The following NTRK3 variants were observed in gnomAD, a reference collection of about 807,000 sequenced individuals.
The protein encoded by NTRK3 is neurotrophic receptor tyrosine kinase 3.
In NTRK3, 24 loss-of-function variants were observed where a neutral mutation model predicts 91.7. The observed-to-expected ratio is 0.26, with a 90% CI of 0.19 to 0.37. The LOEUF (loss-of-function observed/expected upper bound fraction) is 0.37, where lower values mean the gene tolerates loss of function less well. Among genes scored for constraint, NTRK3 ranks in the 10% least tolerant of loss-of-function variants. The pLI is 1.00. For missense variants in NTRK3, 880 were observed against 1,068.9 expected, an observed-to-expected ratio of 0.82 and a Z score of 2.46; for synonymous variants, 483 against 404.0, an observed-to-expected ratio of 1.20 and a Z score of -2.34.
chr15:87,935,066 G>A (rs925621597), intron 15 of NTRK3, among the ~76,000 whole-genome samples: 2 of 152,138 alleles, frequency 1.3e-5, no homozygotes, highest in Non-Finnish European at 1.5e-5. Context: ...CAAAGATCAC[G>A]TAACAAGTAA....
chr15:88,005,452 C>G (rs1414506732), intron 14 of NTRK3, among the ~76,000 whole-genome samples: 1 of 152,182 alleles, frequency 6.6e-6, no homozygotes, highest in Non-Finnish European at 1.5e-5. Flanking sequence ...CCCTTAAAGC[C>G]TAAAGTCTGT....
intron 13 of NTRK3, among the ~76,000 whole-genome samples, chr15:88,123,960 T>G (rs1357864957): frequency 1.3e-5 from 2 of 152,216 alleles, no homozygotes; most frequent in Non-Finnish European, 2.9e-5. Flanking sequence ...GAGGCATGTA[T>G]GGCTCCCTGC....
chr15:88,166,852 T>A (rs556507401), intron 5 of NTRK3, among the ~76,000 whole-genome samples: 8 of 152,164 alleles, frequency 5.3e-5, no homozygotes, highest in African/African-American at 1.9e-4. Context: ...GAAGATGGAT[T>A]ACTGTTGGAA....
chr15:87,947,228 G>A (rs2070641332), intron 14 of NTRK3, among the ~76,000 whole-genome samples: 1 of 150,386 alleles, frequency 6.6e-6, no homozygotes, highest in Non-Finnish European at 1.5e-5. Flanking sequence ...CTACAGATGA[G>A]GGGGCTGAAG....
In NTRK3 at chr15:88,033,176, T is replaced by TCATATATATA. The variant is rs1491166187; in HGVS notation, c.1397-132_1397-131insTATATATATG. On this transcript the variant is annotated intron_variant, in intron 13 of 18. Coordinates refer to ENST00000394480, the Ensembl canonical transcript of NTRK3. ...CTTTTTTTTACTTTTGGGGGGTGTG[T>TCATATATATA]TATATATATATATATATATATATAT... 608 of 196,008 alleles carry TCATATATATA rather than the reference T, an allele frequency of 3.1e-3. 23 individuals carry two copies. The highest frequency in any genetic ancestry group is 5.3e-3 in the Admixed American group (78 of 14,856). The allele number at this position is 196,008 out of a possible 1,614,324, so 12.1% of individuals were successfully genotyped here.
intron 3 of NTRK3, among the ~76,000 whole-genome samples, chr15:88,192,607 C>G (rs115183562): frequency 6.6e-6 from 1 of 152,144 alleles, no homozygotes; most frequent in South Asian, 2.1e-4. Context: ...CCAGTGATGT[C>G]CAGACATCAC....
chr15:87,900,251 T>C (rs1015313842), intron 17 of NTRK3, among the ~76,000 whole-genome samples: 1 of 152,166 alleles, frequency 6.6e-6, no homozygotes, highest in Admixed American at 6.5e-5. Context: ...TTAAGCACCA[T>C]AGGTTTCTAG....
intron 5 of NTRK3, among the ~76,000 whole-genome samples, chr15:88,168,931 A>T (rs770539154): frequency 6.6e-6 from 1 of 152,246 alleles, no homozygotes; most frequent in African/African-American, 2.4e-5. Context: ...ATCTGTGCAC[A>T]TGACACTTGT....
chr15:87,937,531 C>T (rs922301222), intron 15 of NTRK3, among the ~76,000 whole-genome samples: 4 of 152,000 alleles, frequency 2.6e-5, no homozygotes, highest in Admixed American at 1.3e-4. Context: ...TGTGACTACT[C>T]AAAACAAAAA....
intron 15 of NTRK3, among the ~76,000 whole-genome samples, chr15:87,939,335 C>T (rs901720440): frequency 2.6e-5 from 4 of 152,150 alleles, no homozygotes; most frequent in Non-Finnish European, 4.4e-5. Context: ...TAATCCCCAA[C>T]ATTCTAAGGA....
intron 17 of NTRK3, among the ~76,000 whole-genome samples, chr15:87,905,004 A>G (rs79876666): frequency 1.6e-4 from 24 of 152,368 alleles, no homozygotes; most frequent in African/African-American, 4.8e-4. Flanking sequence ...GGGGGAAACT[A>G]GACAAGGGTC....
intron 14 of NTRK3, among the ~76,000 whole-genome samples, chr15:87,951,800 C>T (rs1237586128): frequency 6.6e-6 from 1 of 152,286 alleles, no homozygotes; most frequent in Non-Finnish European, 1.5e-5. Context: ...CTAGAATCCC[C>T]ATGTGGGGTC....
chr15:88,085,979 G>A (rs2048461701), intron 13 of NTRK3, among the ~76,000 whole-genome samples: 1 of 152,218 alleles, frequency 6.6e-6, no homozygotes. Context: ...ATGACAGAAT[G>A]AGCCTAGGGC....
chr15:88,096,452 G>A (rs926958292), intron 13 of NTRK3, among the ~76,000 whole-genome samples: 1 of 152,176 alleles, frequency 6.6e-6, no homozygotes, highest in African/African-American at 2.4e-5. Context: ...CCCAGAGGCA[G>A]GTGCTGCTGA....
rs946693807 is a variant in NTRK3 at position 87,920,781 on chromosome 15, C to T, written c.2133+8410G>A. Among the ~76,000 whole-genome samples the T allele has an allele frequency of 8.5e-5, 13 of 152,202 alleles. 1 individual carries two copies. Among genetic ancestry groups the T allele is most frequent in the African/African-American group, 2.4e-4 (10 of 41,526 alleles). On this transcript the variant is annotated intron_variant, in intron 17 of 18. Transcript: ENST00000394480. Reference sequence around the variant, plus strand: ...ATCCTGGAGGCTCCTAAGGGTGCATCGAGGGCATAGGGTATCAAAGGAGAG... The same window carrying T: ...ATCCTGGAGGCTCCTAAGGGTGCATTGAGGGCATAGGGTATCAAAGGAGAG...
intron 13 of NTRK3, among the ~76,000 whole-genome samples, chr15:88,046,986 T>C (rs1021142606): frequency 6.6e-6 from 1 of 152,158 alleles, no homozygotes; most frequent in Non-Finnish European, 1.5e-5. Flanking sequence ...CCTGCTCCTG[T>C]CTACGTGCCT....
chr15:88,185,386 T>C (rs62019295), intron 3 of NTRK3, among the ~76,000 whole-genome samples: 37,580 of 152,162 alleles, frequency 0.25, 4,854 homozygotes, highest in Middle Eastern at 0.34. Flanking sequence ...TCTGGGTTTA[T>C]TGTTTTTGTA....
chr15:88,148,609 G>A (rs1192315506), intron 5 of NTRK3, among the ~76,000 whole-genome samples: 1 of 152,166 alleles, frequency 6.6e-6, no homozygotes, highest in Non-Finnish European at 1.5e-5. Flanking sequence ...GTAGTGAGGA[G>A]TGCTTTGGGA....
chr15:87,921,986 C>G (rs1479222776), intron 17 of NTRK3, among the ~76,000 whole-genome samples: 4 of 152,114 alleles, frequency 2.6e-5, no homozygotes, highest in Non-Finnish European at 5.9e-5. Flanking sequence ...GGCTTCTCAG[C>G]CTCAGTGGGC....
Sources: gnomAD v4.1 joint callset for allele counts (sites outside exome capture counted in the v4.1 genomes callset) on GRCh38, gnomAD v4.1.1 for gene constraint, MANE v1.5 for transcripts, NCBI Gene and HGNC (gene_info 2026-07-23, HGNC 2026-07-21) for gene names.